STX3: variants seen among roughly 807,000 people sequenced by gnomAD.
The protein encoded by STX3 is syntaxin-3.
A neutral mutation model predicts 40.2 loss-of-function variants in STX3; 19 were observed. The observed-to-expected ratio is 0.47, with a 90% CI of 0.33 to 0.69. The LOEUF is 0.69. STX3 is among the 30% of genes least tolerant of loss of function. The pLI, the probability that STX3 is intolerant of heterozygous loss-of-function variation, is 0.02. For missense variants in STX3, 364 were observed against 366.7 expected (o/e 0.99, Z 0.06); for synonymous variants, 122 against 132.2 (o/e 0.92, Z 0.53).
intron 1 of STX3, among the ~76,000 whole-genome samples, chr11:59,764,729 G>A (rs1029676797): frequency 2.6e-5 from 4 of 152,056 alleles, no homozygotes; most frequent in Admixed American, 1.3e-4. Context: ...TAATGAGGTC[G>A]TTTATTAGCT....
intron 10 of STX3, among the ~76,000 whole-genome samples, chr11:59,799,133 A>G (rs1469033642): frequency 6.6e-6 from 1 of 151,872 alleles, no homozygotes; most frequent in Non-Finnish European, 1.5e-5. Context: ...CAAGCGATCC[A>G]CTTGCCTTGG....
chr11:59,792,263 GGT>G, intron 6 of STX3, 48 bp downstream of exon 6: 1 of 1,544,734 alleles, frequency 6.5e-7, no homozygotes, highest in South Asian at 1.1e-5. Context: ...CCTGCCACCT[GGT>G]TGTCCATCCC....
At chr11:59,800,007 C>G (rs992290943) in intron 10 of STX3, 1 of 985,332 alleles carries the variant, frequency 1.0e-6, no homozygotes, top group African/African-American at 1.7e-5. Flanking sequence ...GTGCCCCTTT[C>G]TATTCCTAAT....
Position 59,782,913 on chromosome 11 carries a change from C to G in STX3, c.115-4124C>G, listed in dbSNP as rs1244731141. Among the ~76,000 whole-genome samples the G allele has an allele frequency of 2.6e-5, 4 of 151,248 alleles. No individual in the cohort carries two copies. In the East Asian group the frequency reaches 7.8e-4, roughly 29 times the overall value. On this transcript the variant is annotated intron_variant, in intron 2 of 10. Transcript: ENST00000337979. ...ACTTGGGAGGCTGAGGCAGGAGAAT[C>G]ACTTGAACCCGGGAGGTGGAGGTTG...
chr11:59,794,247 C>T lies in STX3; in HGVS notation c.675+733C>T, dbSNP rs76607643. Among the ~76,000 whole-genome samples, 952 of 152,274 alleles carry T rather than the reference C, an allele frequency of 6.3e-3. 6 individuals carry two copies. The highest frequency in any genetic ancestry group is 0.021 in the African/African-American group (866 of 41,554). ...TTACTTTGTCCCAGGCATGCTTGCT[C>T]GGGATAGAATTCTGGATTGCCTGCA... On this transcript the variant is annotated intron_variant, in intron 8 of 10. Transcript: ENST00000337979.
chr11:59,787,180 C>A (rs892883117), intron 3 of STX3, 44 bp downstream of exon 3: 2 of 1,567,358 alleles, frequency 1.3e-6, no homozygotes, highest in Non-Finnish European at 1.8e-6. Context: ...ATCACCCTTT[C>A]CTTGGAGCTG....
Position 59,755,774 on chromosome 11 carries a change from C to G in STX3, c.30+139C>G, listed in dbSNP as rs892291254. 4.4e-5 allele frequency: 52 copies of G among 1,173,192 alleles called. 2 individuals carry two copies. In the East Asian group the frequency reaches 1.4e-3, roughly 31 times the overall value. 72.7% of individuals were successfully genotyped at this position (1,173,192 alleles called of 1,614,324 possible). ...CCCAAGCCCCCACCGCTTCCCGCGC[C>G]GGTTCCGCACCCTCCCCTCCCCTCC... On this transcript the variant is annotated intron_variant, in intron 1 of 10. Transcript: ENST00000337979.
chr11:59,791,984 T>C (rs1865196876), intron 5 of STX3, 123 bp from the exon 6 acceptor site: 1 of 811,872 alleles, frequency 1.2e-6, no homozygotes, highest in African/African-American at 1.7e-5. Flanking sequence ...AAAACTTGGT[T>C]TGACACCTGG....
chr11:59,797,241 G>T (rs1164654582), intron 9 of STX3, 42 bp from the exon 10 acceptor site: 3 of 1,536,694 alleles, frequency 2.0e-6, no homozygotes, highest in Admixed American at 1.7e-5. Context: ...TTTTTTGGTT[G>T]TTTGTAATAA....
chr11:59,775,054 C>T (rs967408936), intron 2 of STX3, among the ~76,000 whole-genome samples: 2 of 152,182 alleles, frequency 1.3e-5, no homozygotes, highest in African/African-American at 4.8e-5. Context: ...GTGATGCTTC[C>T]CATCCTCTAG....
intron 1 of STX3, among the ~76,000 whole-genome samples, chr11:59,755,994 T>C (rs1007872993): frequency 2.0e-5 from 3 of 152,132 alleles, no homozygotes; most frequent in African/African-American, 7.2e-5. Flanking sequence ...CCAGCCTCCT[T>C]CTCCCTTTCC....
At chr11:59,771,392 G>GT (rs1863621549) in intron 1 of STX3, among the ~76,000 whole-genome samples, 3 of 49,126 alleles carry the variant, frequency 6.1e-5, no homozygotes, top group Admixed American at 2.1e-4. Context: ...TTTGCCCCCC[G>GT]TCCCCCCACC....
Position 59,755,530 on chromosome 11 carries a change from G to C in STX3, c.-76G>C. 1 of 1,506,000 alleles carries C rather than the reference G, an allele frequency of 6.6e-7. No individual in the cohort carries two copies. Among genetic ancestry groups the C allele is most frequent in the South Asian group, 1.2e-5 (1 of 81,156 alleles). 93.3% of individuals were successfully genotyped at this position (1,506,000 alleles called of 1,614,324 possible). ...GCGGGCCCGGCCGCCGCTTCCGGCA[G>C]CTCACCTGGGAAGCGCTCACCTGGG... On this transcript the variant is annotated 5_prime_UTR_variant, in exon 1 of 11. Transcript: ENST00000337979.
Position 59,765,395 on chromosome 11 carries a change from A to C in STX3, c.31-7816A>C, listed in dbSNP as rs1009446561. ...GGGCAGTGTGCACATGGGTGTGTGT[A>C]TGTGTCTGTGTGTGTCTGTGTAACC... is the stretch of plus-strand genomic sequence containing the variant. On this transcript the variant is annotated intron_variant, in intron 1 of 10. Coordinates refer to ENST00000337979, the MANE Select transcript of STX3 (RefSeq NM_004177.5). 5.9e-5 allele frequency among the ~76,000 whole-genome samples: 9 copies of C among 152,206 alleles called. No individual in the cohort carries two copies. The East Asian group carries it at 1.5e-3, about 26-fold the overall frequency.
intron 2 of STX3, among the ~76,000 whole-genome samples, chr11:59,782,941 G>T (rs1864495656): frequency 6.6e-6 from 1 of 151,954 alleles, no homozygotes; most frequent in African/African-American, 2.4e-5. Flanking sequence ...GGAGGTTGCA[G>T]TGAGCCAAGA....
Position 59,797,306 on chromosome 11 carries a change from A to C in STX3, c.810A>C (p.Leu270=). The change falls in exon 10 of 11, where the codon CTA becomes CTC. Residue 270 remains leucine, a synonymous_variant. Coordinates refer to ENST00000337979, the MANE Select transcript of STX3 (RefSeq NM_004177.5). The stretch of plus-strand genomic sequence containing the variant: ...AGAAATTGATAATTATCATTGTGCT[A>C]GTAGTTGTGTTGCTGGGCATTTTAG... ...ARKKLIIIIV[L]VVVLLGILAL... is the part of the protein sequence containing the mutation. 6.2e-7 allele frequency: 1 copy of C among 1,613,808 alleles called. No homozygotes were observed.
At chr11:59,769,829 C>CGT (rs148844771) in intron 1 of STX3, among the ~76,000 whole-genome samples, 4,364 of 148,474 alleles carry the variant, frequency 0.029, 157 homozygotes, top group African/African-American at 0.088. Flanking sequence ...ATAGTGTACA[C>CGT]GTGTGTGTGT....
chr11:59,799,047 G>A (rs894758822), intron 10 of STX3, among the ~76,000 whole-genome samples: 10 of 152,014 alleles, frequency 6.6e-5, no homozygotes, highest in Admixed American at 2.6e-4. Context: ...ACACCAACAC[G>A]CCAAGATAAC....
chr11:59,774,862 GAAT>G (rs1392062393), intron 2 of STX3, among the ~76,000 whole-genome samples: 1 of 152,030 alleles, frequency 6.6e-6, no homozygotes, highest in Non-Finnish European at 1.5e-5. Flanking sequence ...AAACCAAGAG[GAAT>G]AATGTTTGTA....
Sources: gnomAD v4.1 joint callset for allele counts (sites outside exome capture counted in the v4.1 genomes callset) on GRCh38, gnomAD v4.1.1 for gene constraint, MANE v1.5 for transcripts, NCBI Gene and HGNC (gene_info 2026-07-23, HGNC 2026-07-21) for gene names.